Variants in TONSL observed in about 807,000 individuals in gnomAD.
The protein encoded by TONSL is tonsoku like, DNA repair protein, also known as tonsoku-like protein.
In TONSL, 112 loss-of-function variants were observed where a neutral mutation model predicts 147.1. The ratio of observed to expected loss-of-function variants is 0.76; its 90% CI spans 0.65 to 0.89. TONSL has a LOEUF of 0.89. TONSL is among the 40% of genes least tolerant of loss of function. The probability of loss-of-function intolerance (pLI) is 0.00; values close to 1 mark genes in which losing one functional copy is unlikely to be tolerated. For synonymous variants in TONSL, 868 were observed against 801.5 expected (o/e 1.08, Z -1.40); for missense variants, 1,883 against 1,864.6 (o/e 1.01, Z -0.18).
rs782766794 is a variant in TONSL at position 144,433,684 on chromosome 8, C to T, written c.3463G>A (p.Ala1155Thr). ...CGCAGGGTGCTGAGTAAGGGGCAGG[C>T]GTGCAGGAGGGAGGCCAGGGACTGG... Reference protein sequence around the residue: ...CGQSLASLLHACPLLSTLRLQ... With the variant: ...CGQSLASLLHTCPLLSTLRLQ... The change falls in exon 22 of 26, where the codon GCC (alanine) becomes ACC (threonine). Residue 1155 changes from alanine to threonine, a missense_variant. Transcript: ENST00000409379. 5 of 1,612,382 alleles carry T rather than the reference C, an allele frequency of 3.1e-6. No individual in the cohort carries two copies. The highest frequency in any genetic ancestry group is 3.4e-6 in the Non-Finnish European group (4 of 1,179,710).
At chr8:144,438,906 C>T in intron 11 of TONSL, 171 bp from the exon 12 acceptor site, 1 of 668,904 alleles carries the variant, frequency 1.5e-6, no homozygotes, top group Non-Finnish European at 2.6e-6. Flanking sequence ...CCCAGCGCTG[C>T]CTCCATGTCT....
rs144748243 is a variant in TONSL at position 144,436,437 on chromosome 8, G to A, written c.2015-19C>T. ...TGGGGATCTGTGGGAGAGAGAATGC[G>A]TGTTGAGGCAGGGGCCCGGCACCTC... On this transcript the variant is annotated intron_variant, in intron 16 of 25. Transcript: ENST00000409379. 2.9e-3 allele frequency: 4,492 copies of A among 1,525,886 alleles called. 15 individuals carry two copies. Among genetic ancestry groups the A allele is most frequent in the Non-Finnish European group, 3.7e-3 (4,168 of 1,140,836 alleles). The allele number at this position is 1,525,886 out of a possible 1,614,324, so 94.5% of individuals were successfully genotyped here. A position where few individuals can be genotyped will look rare whatever the true frequency, so the allele number is the denominator to read the frequency against.
rs1271373530 is a variant in TONSL at position 144,443,970 on chromosome 8, C to T, written c.176G>A (p.Arg59His). 3 of 1,541,512 alleles carry T rather than the reference C, an allele frequency of 1.9e-6. No homozygotes were observed. Among genetic ancestry groups the T allele is most frequent in the African/African-American group, 2.7e-5 (2 of 73,044 alleles). The change falls in exon 3 of 26, where the codon CGC becomes CAC. Residue 59 changes from arginine to histidine, a missense_variant. Transcript: ENST00000409379. ...QHWQELQLRE[R>H]ADDPLGCAVA... ...GGCACAGCCCAGAGGGTCGTCAGCG[C>T]GCTCCCGAAGCTGCAGCTCCTGCCA... is the stretch of plus-strand genomic sequence containing the variant.
chr8:144,429,558 C>T (rs892413832), intron 25 of TONSL, among the ~76,000 whole-genome samples: 6 of 152,202 alleles, frequency 3.9e-5, no homozygotes, highest in Admixed American at 2.0e-4. Flanking sequence ...CCCTTCTTTA[C>T]CTCTGACAGT....
At position 144,444,197 on chromosome 8, in the gene TONSL, T is replaced by C; in HGVS notation, c.104A>G (p.Glu35Gly). ...EEAALCHQLG[E>G]LLAGHGRYAE... ...GCGCTCACCATGGCCGGCCAGGAGC[T>C]CCCCCAGCTGGTGGCACAGCGCGGC... The change falls in exon 2 of 26, where the codon GAG becomes GGG. Residue 35 changes from glutamate (E) to glycine (G), a missense_variant. Glu to Gly is a moderately conservative substitution (Grantham distance 98, BLOSUM62 -2). Coordinates refer to ENST00000409379, the MANE Select transcript of TONSL (RefSeq NM_013432.5). 3 of 1,452,602 alleles carry C rather than the reference T, an allele frequency of 2.1e-6. No individual in the cohort carries two copies. Among genetic ancestry groups the C allele is most frequent in the Middle Eastern group, 2.4e-4 (1 of 4,222 alleles). The allele number at this position is 1,452,602 out of a possible 1,614,324, so 90.0% of individuals were successfully genotyped here.
Position 144,436,434 on chromosome 8 carries a change from T to C in TONSL, c.2015-16A>G, listed in dbSNP as rs369576006. On this transcript the variant is annotated splice_polypyrimidine_tract_variant and intron_variant, in intron 16 of 25. Transcript: ENST00000409379. ...CTGTGGGGATCTGTGGGAGAGAGAA[T>C]GCGTGTTGAGGCAGGGGCCCGGCAC... The C allele has an allele frequency of 3.0e-5, 45 of 1,522,890 alleles. No individual in the cohort carries two copies. The highest frequency in any genetic ancestry group is 3.9e-5 in the Non-Finnish European group (44 of 1,139,898). 94.3% of individuals were successfully genotyped at this position (1,522,890 alleles called of 1,614,324 possible).
Position 144,443,215 on chromosome 8 carries a change from C to T in TONSL, c.371G>A (p.Cys124Tyr), listed in dbSNP as rs1231102265. The T allele has an allele frequency of 2.6e-6, 4 of 1,550,804 alleles. No homozygotes were observed. Among genetic ancestry groups the T allele is most frequent in the Admixed American group, 3.9e-5 (2 of 51,004 alleles). ...GRTHLDIYDH[C>Y]QSRDALLQAQ... is the part of the protein sequence containing the mutation. ...CTGCAGCAAAGCATCCCTCGACTGG[C>T]AGTGGTCATAGATGTCCAGGTGGGT... The change falls in exon 4 of 26, where the codon TGC becomes TAC. Residue 124 changes from cysteine to tyrosine, a missense_variant. Transcript: ENST00000409379.
At chr8:144,439,469 C>A (rs1382086542) in intron 11 of TONSL, among the ~76,000 whole-genome samples, 1 of 152,174 alleles carries the variant, frequency 6.6e-6, no homozygotes, top group Admixed American at 6.5e-5. Flanking sequence ...GGAACACCCC[C>A]CAACAGGCCT....
rs1425265042 is a variant in TONSL at position 144,442,530 on chromosome 8, C to A, written c.579-118G>T. The A allele has an allele frequency of 4.1e-6, 6 of 1,480,262 alleles. No individual in the cohort carries two copies. In the African/African-American group the frequency reaches 8.4e-5, roughly 21 times the overall value. 91.7% of individuals were successfully genotyped at this position (1,480,262 alleles called of 1,614,324 possible). ...GGGCCCTAACCATGCCTGGCCTTCT[C>A]CCAGTGTGTGGCACAGGTGTGAGAG... On this transcript the variant is annotated intron_variant, in intron 5 of 25. Transcript: ENST00000409379.
rs1823332858 is a variant in TONSL, at chr8:144,434,084, A to G, written c.3281T>C (p.Leu1094Pro). The change falls in exon 21 of 26, where the codon CTG becomes CCG. Residue 1094 changes from leucine to proline, a missense_variant. Transcript: ENST00000409379. Reference protein sequence around the residue: ...DKCVAELVAALGTMPSLALLD... With the variant: ...DKCVAELVAAPGTMPSLALLD... ...GAGGGCCAGGCTGGGCATGGTGCCC[A>G]GGGCAGCCACCAGCTCAGCCACACA... is the stretch of plus-strand genomic sequence containing the variant. 1 of 1,612,272 alleles carries G rather than the reference A, an allele frequency of 6.2e-7. No individual in the cohort carries two copies. The highest frequency in any genetic ancestry group is 1.1e-5 in the South Asian group (1 of 91,062).
chr8:144,440,146 G>A lies in TONSL; in HGVS notation c.1355C>T (p.Thr452Ile). Reference sequence around the variant, plus strand: ...ACTGAGCTCCCGTAGTCTGGTTTCGGTCTCAGGGGCCTCCTGGGGCTGCAG... The same window carrying A: ...ACTGAGCTCCCGTAGTCTGGTTTCGATCTCAGGGGCCTCCTGGGGCTGCAG... ...LRLQPQEAPETETRLRELSVA... is the reference protein window; with the variant it reads ...LRLQPQEAPEIETRLRELSVA... The change falls in exon 11 of 26, where the codon ACC (threonine) becomes ATC (isoleucine). Residue 452 changes from threonine (T) to isoleucine (I), a missense_variant. Thr to Ile is a moderately conservative substitution (Grantham distance 89). Transcript: ENST00000409379. The A allele has an allele frequency of 1.2e-6, 2 of 1,611,730 alleles. No homozygotes were observed.
At position 144,434,210 on chromosome 8, in the gene TONSL, A is replaced by G. The variant is rs782642873; in HGVS notation, c.3155T>C (p.Leu1052Pro). The change falls in exon 21 of 26, where the codon CTG becomes CCG. Residue 1052 changes from leucine to proline, a missense_variant. Transcript: ENST00000409379. ...GLGLSFSACS[L>P]ALDQAQLTPL... ...TGTAAGCTGGGCCTGGTCCAGGGCC[A>G]GGGAGCAGGCGCTGAACGAGAGGCC... 6.3e-7 allele frequency: 1 copy of G among 1,575,648 alleles called. No individual in the cohort carries two copies. Among genetic ancestry groups the G allele is most frequent in the African/African-American group, 1.3e-5 (1 of 74,114 alleles).
rs782465148 is a variant in TONSL at position 144,434,295 on chromosome 8, G to A, written c.3086-16C>T. 7.5e-5 allele frequency: 112 copies of A among 1,499,034 alleles called. No homozygotes were observed. In the Admixed American group the frequency reaches 1.4e-3, roughly 18 times the overall value. 92.9% of individuals were successfully genotyped at this position (1,499,034 alleles called of 1,614,324 possible). The stretch of plus-strand genomic sequence containing the variant: ...TGGTGCTCCCCTGCGGGAGGGATGT[G>A]ATGTCACCAGGGTAAGGCCGGCCCT... On this transcript the variant is annotated splice_polypyrimidine_tract_variant and intron_variant, in intron 20 of 25. Coordinates refer to ENST00000409379, the MANE Select transcript of TONSL (RefSeq NM_013432.5).
intron 24 of TONSL, 101 bp from the exon 25 acceptor site, chr8:144,430,638 G>C (rs2130835517): frequency 7.1e-7 from 1 of 1,416,094 alleles, no homozygotes; most frequent in Non-Finnish European, 9.5e-7. Context: ...GGGAGCCTCG[G>C]GCCAGACCCA....
chr8:144,429,477 G>A (rs547576088), intron 25 of TONSL, 141 bp from the exon 26 acceptor site: 2 of 731,004 alleles, frequency 2.7e-6, no homozygotes, highest in Admixed American at 4.1e-5. Flanking sequence ...GCTCCGGAGA[G>A]GCCCCATGAC....
rs374575395 is a variant in TONSL, at chr8:144,442,340, C to G, written c.651G>C (p.Gln217His). The G allele has an allele frequency of 1.9e-6, 3 of 1,592,566 alleles. No individual in the cohort carries two copies. Among genetic ancestry groups the G allele is most frequent in the Non-Finnish European group, 2.6e-6 (3 of 1,165,694 alleles). Reference sequence around the variant, plus strand: ...CCAAGCAGCGCATAGCCTGGGAGTGCTGGCCCGCGCGCCAGTGGATGGTGC... The same window carrying G: ...CCAAGCAGCGCATAGCCTGGGAGTGGTGGCCCGCGCGCCAGTGGATGGTGC... ...NLGTIHWRAG[Q>H]HSQAMRCLEG... Residue 217 changes from glutamine to histidine, a missense_variant, in exon 6 of 26, where the codon CAG becomes CAC. Coordinates refer to ENST00000409379, the MANE Select transcript of TONSL (RefSeq NM_013432.5).
chr8:144,442,618 A>G, intron 5 of TONSL, 59 bp downstream of exon 5: 1 of 1,581,166 alleles, frequency 6.3e-7, no homozygotes, highest in South Asian at 1.1e-5. Context: ...ATACTCCCCT[A>G]ACTACTTCCT....
rs933713392 is a variant in TONSL at position 144,444,400 on chromosome 8, G to A, written c.15C>T (p.Arg5=). The A allele has an allele frequency of 3.1e-6, 4 of 1,270,954 alleles. No homozygotes were observed. Among genetic ancestry groups the A allele is most frequent in the Non-Finnish European group, 4.0e-6 (4 of 1,006,762 alleles). 78.7% of individuals were successfully genotyped at this position (1,270,954 alleles called of 1,614,324 possible). The change falls in exon 1 of 26, where the codon CGC becomes CGT. Residue 5 remains arginine (R), a synonymous_variant. Transcript: ENST00000409379. MSLE[R]ELRQLSKAKA... Reference sequence around the variant, plus strand: ...CCCCGAGGAACTTACGGCGAAGCTCGCGCTCCAGGCTCATGCTCGGATCGC... The same window carrying A: ...CCCCGAGGAACTTACGGCGAAGCTCACGCTCCAGGCTCATGCTCGGATCGC...
chr8:144,444,323 CG>C (rs1254233419), intron 1 of TONSL, 48 bp from the exon 2 acceptor site: 7 of 1,332,382 alleles, frequency 5.3e-6, no homozygotes, highest in Non-Finnish European at 1.9e-6. Flanking sequence ...GGTCCGGGGC[CG>C]GGGCCGAGTC....
Sources: allele counts gnomAD v4.1 joint callset (sites outside exome capture counted in the v4.1 genomes callset), GRCh38; gene constraint gnomAD v4.1.1; transcripts MANE v1.5; gene names NCBI Gene and HGNC (gene_info 2026-07-23, HGNC 2026-07-21).